MYT1L: variants seen among roughly 807,000 people sequenced by gnomAD.
MYT1L encodes the protein myelin transcription factor 1-like protein.
MYT1L carries 12 observed loss-of-function variants against 126.7 expected under a neutral mutation model. That is an observed-to-expected ratio of 0.09 (90% CI 0.06 to 0.15). The LOEUF (loss-of-function observed/expected upper bound fraction) is 0.15, where lower values mean the gene tolerates loss of function less well. Among genes scored for constraint, MYT1L ranks in the 10% least tolerant of loss-of-function variants. The pLI is 1.00. For missense variants in MYT1L, 979 were observed against 1,585.2 expected (o/e 0.62, Z 6.49); for synonymous variants, 541 against 604.2 (o/e 0.90, Z 1.53).
At chr2:2,314,184 G>A (rs975455222) in intron 1 of MYT1L, among the ~76,000 whole-genome samples, 2 of 152,134 alleles carry the variant, frequency 1.3e-5, no homozygotes, top group Non-Finnish European at 2.9e-5. Flanking sequence ...AGAATGAAAT[G>A]ATATGCATTT....
At chr2:2,046,053 T>G (rs2150049491) in intron 4 of MYT1L, among the ~76,000 whole-genome samples, 1 of 152,326 alleles carries the variant, frequency 6.6e-6, no homozygotes, top group East Asian at 1.9e-4. Flanking sequence ...ATGTGGTGAA[T>G]ATAAACATGA....
intron 11 of MYT1L, among the ~76,000 whole-genome samples, chr2:1,916,876 G>A (rs560771718): frequency 2.6e-5 from 4 of 152,306 alleles, no homozygotes; most frequent in East Asian, 1.9e-4. Flanking sequence ...AGAGGCCATC[G>A]AATTCAATTC....
intron 4 of MYT1L, among the ~76,000 whole-genome samples, chr2:1,998,453 G>A (rs958481702): frequency 1.3e-5 from 2 of 152,086 alleles, no homozygotes; most frequent in South Asian, 2.1e-4. Context: ...CTTTTCCTTC[G>A]ACCTGGAAAC....
chr2:2,001,609 G>A (rs373421180), intron 4 of MYT1L, among the ~76,000 whole-genome samples: 5 of 152,208 alleles, frequency 3.3e-5, no homozygotes, highest in African/African-American at 1.2e-4. Flanking sequence ...GGTGTTACTA[G>A]CCTCATTCTG....
At chr2:2,089,656 C>T (rs935407353) in intron 3 of MYT1L, among the ~76,000 whole-genome samples, 27 of 152,080 alleles carry the variant, frequency 1.8e-4, no homozygotes, top group African/African-American at 5.8e-4. Context: ...TACAGATGGA[C>T]GGAGGTTAAT....
intron 3 of MYT1L, among the ~76,000 whole-genome samples, chr2:2,111,535 A>C (rs574960550): frequency 3.3e-5 from 5 of 152,314 alleles, no homozygotes; most frequent in Admixed American, 1.3e-4. Flanking sequence ...TTAGGGAATA[A>C]GAAAGGAATT....
intron 2 of MYT1L, among the ~76,000 whole-genome samples, chr2:2,215,098 A>G (rs1241347228): frequency 6.6e-6 from 1 of 152,186 alleles, no homozygotes; most frequent in Non-Finnish European, 1.5e-5. Context: ...CCTATGAAAG[A>G]AATAACAGAA....
chr2:2,042,327 T>C (rs1459766727), intron 4 of MYT1L, among the ~76,000 whole-genome samples: 1 of 152,144 alleles, frequency 6.6e-6, no homozygotes, highest in African/African-American at 2.4e-5. Flanking sequence ...TGTTAGGGAG[T>C]TGTCCCACCA....
intron 18 of MYT1L, among the ~76,000 whole-genome samples, chr2:1,869,205 G>A (rs2045970413): frequency 2.7e-5 from 4 of 146,168 alleles, no homozygotes; most frequent in South Asian, 2.1e-4. Context: ...ACACAGTCCC[G>A]GACTTATCCT....
At chr2:2,301,263 T>C (rs2095780518) in intron 1 of MYT1L, among the ~76,000 whole-genome samples, 1 of 152,216 alleles carries the variant, frequency 6.6e-6, no homozygotes, top group African/African-American at 2.4e-5. Flanking sequence ...TCTGTCTTTT[T>C]TCCTCTCTCT....
At position 2,080,317 on chromosome 2, in the gene MYT1L, A is replaced by G. The variant is rs570001361; in HGVS notation, c.-303-26194T>C. ...CAAGGGATAAGAGAAAAAAAAAGCAAACGCATAAGTTTAGCTTAATCAAAA... is the reference window on the plus strand; with the variant it reads ...CAAGGGATAAGAGAAAAAAAAAGCAGACGCATAAGTTTAGCTTAATCAAAA... On this transcript the variant is annotated intron_variant, in intron 3 of 24. Coordinates refer to ENST00000647738, the MANE Select transcript of MYT1L (RefSeq NM_001303052.2). Among the ~76,000 whole-genome samples the G allele has an allele frequency of 5.9e-5, 9 of 152,342 alleles. 1 individual carries two copies. In the East Asian group the frequency reaches 1.7e-3, roughly 29 times the overall value.
At chr2:2,140,370 G>A (rs2083765377) in intron 3 of MYT1L, among the ~76,000 whole-genome samples, 2 of 148,754 alleles carry the variant, frequency 1.3e-5, no homozygotes, top group South Asian at 2.1e-4. Context: ...ATTCTGTTTT[G>A]TAGAAATTTG....
At chr2:1,976,282 T>C (rs2060179233) in intron 8 of MYT1L, among the ~76,000 whole-genome samples, 1 of 152,172 alleles carries the variant, frequency 6.6e-6, no homozygotes. Context: ...CCGGCATGAA[T>C]GGGCAAGAAT....
At chr2:1,880,686 C>T (rs1277736853) in intron 18 of MYT1L, among the ~76,000 whole-genome samples, 2 of 152,084 alleles carry the variant, frequency 1.3e-5, no homozygotes, top group African/African-American at 2.4e-5. Flanking sequence ...AGTACTGTCC[C>T]GCTTCACAGG....
intron 14 of MYT1L, among the ~76,000 whole-genome samples, chr2:1,894,806 C>T (rs1423120843): frequency 2.6e-5 from 4 of 152,254 alleles, no homozygotes; most frequent in African/African-American, 7.2e-5. Flanking sequence ...CTCCCGCTGA[C>T]GCCCAGAGAC....
chr2:1,792,520 G>A (rs1279765324), intron 23 of MYT1L, 56 bp from the exon 24 acceptor site: 24 of 1,561,190 alleles, frequency 1.5e-5, no homozygotes, highest in Non-Finnish European at 2.1e-5. Context: ...GGAGCGCGTG[G>A]TCGTTGCCGG....
intron 3 of MYT1L, among the ~76,000 whole-genome samples, chr2:2,067,716 TA>T (rs2074047567): frequency 6.6e-6 from 1 of 152,170 alleles, no homozygotes; most frequent in Non-Finnish European, 1.5e-5. Flanking sequence ...ATATTAATAT[TA>T]AAAATTTGTT....
chr2:1,903,056 T>C lies in MYT1L; in HGVS notation c.2032+24A>G, dbSNP rs192624064. Reference sequence around the variant, plus strand: ...ATCATCAATGGCAACGTGTCTCTCATGTATAAGAGTGTGCACCTCCTACCA... The same window carrying C: ...ATCATCAATGGCAACGTGTCTCTCACGTATAAGAGTGTGCACCTCCTACCA... On this transcript the variant is annotated intron_variant, in intron 14 of 24. Coordinates refer to ENST00000647738, the MANE Select transcript of MYT1L (RefSeq NM_001303052.2). 7.1e-4 allele frequency: 1,131 copies of C among 1,588,672 alleles called. 29 individuals are homozygous for C. In the Admixed American group the frequency reaches 0.017, roughly 25 times the overall value.
chr2:1,840,886 T>C (rs567999840), intron 19 of MYT1L, 43 bp from the exon 20 acceptor site: 13 of 1,208,334 alleles, frequency 1.1e-5, no homozygotes, highest in Non-Finnish European at 1.5e-5. Context: ...ACACCGTTGA[T>C]TTCAGTGAGC....
Sources: gnomAD v4.1 joint callset for allele counts (sites outside exome capture counted in the v4.1 genomes callset) on GRCh38, gnomAD v4.1.1 for gene constraint, MANE v1.5 for transcripts, NCBI Gene and HGNC (gene_info 2026-07-23, HGNC 2026-07-21) for gene names.